SLC2A9: variants seen among roughly 807,000 people sequenced by gnomAD.
The protein encoded by SLC2A9 is solute carrier family 2 member 9.
SLC2A9 carries 39 observed loss-of-function variants against 50.6 expected under a neutral mutation model. The observed-to-expected ratio is 0.77, with a 90% CI of 0.60 to 1.01. SLC2A9 has a LOEUF of 1.01. Among genes scored for constraint, SLC2A9 ranks in the 50% least tolerant of loss-of-function variants. The pLI is 0.00. For missense variants in SLC2A9, 686 were observed against 677.6 expected, an observed-to-expected ratio of 1.01 and a Z score of -0.14; for synonymous variants, 324 against 276.9, an observed-to-expected ratio of 1.17 and a Z score of -1.69.
intron 5 of SLC2A9, among the ~76,000 whole-genome samples, chr4:9,951,443 T>G (rs1259944067): frequency 2.0e-5 from 3 of 152,190 alleles, no homozygotes; most frequent in Admixed American, 2.0e-4. Flanking sequence ...CAAAAATGTA[T>G]TTTATTCAGG....
intron 3 of SLC2A9, among the ~76,000 whole-genome samples, chr4:9,812,427 A>C (rs566118551): frequency 3.3e-5 from 5 of 152,318 alleles, no homozygotes; most frequent in Admixed American, 3.3e-4. Flanking sequence ...CCTATCCTGC[A>C]GTCTTGTTGT....
chr4:10,018,537 T>C (rs561130365), intron 2 of SLC2A9, among the ~76,000 whole-genome samples: 1 of 77,948 alleles, frequency 1.3e-5, no homozygotes, highest in South Asian at 6.9e-4. Flanking sequence ...TGAGACTCCA[T>C]CTCAAAGATG....
At chr4:9,931,557 A>G (rs1745927780) in intron 6 of SLC2A9, among the ~76,000 whole-genome samples, 1 of 152,152 alleles carries the variant, frequency 6.6e-6, no homozygotes, top group African/African-American at 2.4e-5. Context: ...AGTGTGTTTC[A>G]GTCCACAGCT....
intron 6 of SLC2A9, 54 bp downstream of exon 6, chr4:9,941,859 C>T: frequency 6.2e-7 from 1 of 1,611,228 alleles, no homozygotes; most frequent in African/African-American, 1.3e-5. Context: ...GCATGCCTTG[C>T]AGTGATGATC....
At chr4:9,963,551 A>T (rs1752607450) in intron 5 of SLC2A9, among the ~76,000 whole-genome samples, 2 of 152,196 alleles carry the variant, frequency 1.3e-5, no homozygotes. Context: ...TGTAGAACAA[A>T]GCAAGTCTGT....
At chr4:9,901,648 T>C (rs1010847793) in intron 8 of SLC2A9, among the ~76,000 whole-genome samples, 1 of 152,158 alleles carries the variant, frequency 6.6e-6, no homozygotes, top group African/African-American at 2.4e-5. Flanking sequence ...TTGCAAACCA[T>C]ATTTGAATCC....
intron 5 of SLC2A9, among the ~76,000 whole-genome samples, chr4:9,971,774 C>G (rs1239069122): frequency 2.0e-5 from 3 of 152,092 alleles, no homozygotes; most frequent in African/African-American, 7.2e-5. Context: ...AAAAATAAAG[C>G]TAAGGAAGGT....
intron 6 of SLC2A9, among the ~76,000 whole-genome samples, chr4:9,924,671 T>A (rs1038371588): frequency 9.8e-5 from 15 of 152,356 alleles, no homozygotes; most frequent in African/African-American, 3.6e-4. Flanking sequence ...ATTTCCCAGC[T>A]GGGCAAGTGG....
intron 3 of SLC2A9, among the ~76,000 whole-genome samples, chr4:9,811,346 T>C (rs1432606507): frequency 1.3e-5 from 2 of 152,216 alleles, no homozygotes; most frequent in African/African-American, 4.8e-5. Flanking sequence ...ATGACTTGGT[T>C]TGATCAGTTG....
intron 4 of SLC2A9, among the ~76,000 whole-genome samples, chr4:9,985,095 C>T (rs970385420): frequency 2.0e-5 from 3 of 152,166 alleles, no homozygotes; most frequent in Non-Finnish European, 4.4e-5. Flanking sequence ...CCCTGATTGG[C>T]CTTTCTAAAA....
chr4:9,890,491 C>G, intron 9 of SLC2A9, 119 bp downstream of exon 9: 1 of 964,096 alleles, frequency 1.0e-6, no homozygotes. Context: ...CCGGGGAGAG[C>G]TTTATCACAA....
intron 10 of SLC2A9, among the ~76,000 whole-genome samples, chr4:9,865,192 A>G (rs1732253343): frequency 1.3e-5 from 2 of 152,240 alleles, no homozygotes; most frequent in African/African-American, 4.8e-5. Context: ...GTCTGGAGAC[A>G]TTTTTGGCTA....
chr4:9,863,017 G>A (rs1274323834), intron 10 of SLC2A9, among the ~76,000 whole-genome samples: 2 of 152,004 alleles, frequency 1.3e-5, no homozygotes, highest in Admixed American at 6.5e-5. Context: ...CCCGCCCAGG[G>A]AGGCCAACTG....
intron 8 of SLC2A9, among the ~76,000 whole-genome samples, chr4:9,907,204 G>C (rs1200168788): frequency 2.6e-5 from 4 of 152,212 alleles, no homozygotes; most frequent in Admixed American, 2.6e-4. Context: ...ACTGTGTGCT[G>C]TGTGCCCAAA....
intron 5 of SLC2A9, among the ~76,000 whole-genome samples, chr4:9,943,652 T>C (rs1278975272): frequency 6.6e-6 from 1 of 152,152 alleles, no homozygotes; most frequent in Non-Finnish European, 1.5e-5. Context: ...AATTTTATGA[T>C]ATGTGTGTCA....
At chr4:9,963,999 G>A (rs1752687040) in intron 5 of SLC2A9, among the ~76,000 whole-genome samples, 1 of 152,094 alleles carries the variant, frequency 6.6e-6, no homozygotes, top group Non-Finnish European at 1.5e-5. Context: ...GATGGGTGGA[G>A]ATAAAGAGCC....
At chr4:9,886,708 A>G (rs1736339259) in intron 10 of SLC2A9, among the ~76,000 whole-genome samples, 1 of 152,174 alleles carries the variant, frequency 6.6e-6, no homozygotes, top group South Asian at 2.1e-4. Flanking sequence ...ACCAAGAAAC[A>G]CAACCAAAGA....
intron 6 of SLC2A9, among the ~76,000 whole-genome samples, chr4:9,934,825 A>G (rs1358673559): frequency 6.6e-6 from 1 of 152,016 alleles, no homozygotes; most frequent in Non-Finnish European, 1.5e-5. Context: ...CCCTGCCCAC[A>G]GGCCCTGGTG....
chr4:9,921,004 C>G (rs973297698), intron 6 of SLC2A9, among the ~76,000 whole-genome samples: 1 of 152,178 alleles, frequency 6.6e-6, no homozygotes, highest in Non-Finnish European at 1.5e-5. Context: ...AGTTCGTTTG[C>G]TGAATATTCA....
Sources: allele counts gnomAD v4.1 joint callset (sites outside exome capture counted in the v4.1 genomes callset), GRCh38; gene constraint gnomAD v4.1.1; transcripts MANE v1.5; gene names NCBI Gene and HGNC (gene_info 2026-07-23, HGNC 2026-07-21).